The following MYH11 variants were observed in gnomAD, a reference collection of about 807,000 sequenced individuals.
MYH11 encodes the protein myosin heavy chain 11.
MYH11 carries 80 observed loss-of-function variants against 246.6 expected under a neutral mutation model. The ratio of observed to expected loss-of-function variants is 0.32; its 90% CI spans 0.27 to 0.39. The LOEUF (loss-of-function observed/expected upper bound fraction) is 0.39, where lower values mean the gene tolerates loss of function less well. MYH11 is among the 10% of genes least tolerant of loss of function. MYH11 has a pLI of 1.00. For missense variants in MYH11, 2,158 were observed against 2,546.8 expected, an observed-to-expected ratio of 0.85 and a Z score of 3.29; for synonymous variants, 1,071 against 1,015.5, an observed-to-expected ratio of 1.05 and a Z score of -1.04.
chr16:15,779,082 C>T (rs968842310), intron 6 of MYH11: 3 of 621,586 alleles, frequency 4.8e-6, no homozygotes, highest in East Asian at 2.8e-5. Flanking sequence ...CAATTTCATT[C>T]GGCTTTTGCA....
In MYH11 at chr16:15,715,004, G is replaced by T; in HGVS notation, c.5691C>A (p.Asn1897Lys). The T allele has an allele frequency of 6.2e-7, 1 of 1,613,964 alleles. No individual in the cohort carries two copies. Among genetic ancestry groups the T allele is most frequent in the Non-Finnish European group, 8.5e-7 (1 of 1,180,020 alleles). The change falls in exon 40 of 41, where the codon AAC (asparagine) becomes AAA (lysine). Residue 1897 changes from asparagine to lysine, a missense_variant. Asn to Lys is a moderately conservative substitution (Grantham distance 94). This residue lies in a region of MYH11 where 1,013 missense variants were observed against 993.5 expected (regional missense o/e 1.02). Coordinates refer to ENST00000300036, the MANE Select transcript of MYH11 (RefSeq NM_002474.3). ...CCCGCTGCAGCTTCCTGCGGTTGGC[G>T]TTGATGCGCTGGGACTCCTCCTCTG... ...EEAEEESQRI[N>K]ANRRKLQREL... is the part of the protein sequence containing the mutation.
chr16:15,786,899 C>T (rs1054290000), intron 4 of MYH11, among the ~76,000 whole-genome samples, 167 bp from the exon 5 acceptor site: 1 of 152,158 alleles, frequency 6.6e-6, no homozygotes, highest in Non-Finnish European at 1.5e-5. Context: ...TGGTAGTGAG[C>T]GGAACTGGGT....
intron 12 of MYH11, among the ~76,000 whole-genome samples, chr16:15,758,684 C>A (rs950068337): frequency 3.4e-4 from 52 of 151,754 alleles, no homozygotes; most frequent in Admixed American, 2.0e-4. Context: ...GCACTAATCC[C>A]AGCTACTCGA....
At chr16:15,719,393 G>GA in intron 35 of MYH11, 85 bp from the exon 36 acceptor site, 1 of 1,506,946 alleles carries the variant, frequency 6.6e-7, no homozygotes. Context: ...AGCCACCCTT[G>GA]AAAGTACATG....
At chr16:15,802,226 C>A (rs919181655) in intron 3 of MYH11, among the ~76,000 whole-genome samples, 1 of 152,226 alleles carries the variant, frequency 6.6e-6, no homozygotes. Flanking sequence ...CAGCTCCGAT[C>A]TCCCGAGCAC....
At chr16:15,733,610 T>G (rs2041030969) in intron 26 of MYH11, among the ~76,000 whole-genome samples, 1 of 151,790 alleles carries the variant, frequency 6.6e-6, no homozygotes, top group South Asian at 2.1e-4. Context: ...TGGAATGATG[T>G]CAGCTCACTG....
At chr16:15,759,853 T>G in intron 11 of MYH11, 125 bp from the exon 12 acceptor site, 1 of 1,271,124 alleles carries the variant, frequency 7.9e-7, no homozygotes. Flanking sequence ...TCCCAGCACT[T>G]TGGGAGGCCG....
chr16:15,821,100 G>A (rs545181073), intron 3 of MYH11, among the ~76,000 whole-genome samples: 2 of 152,310 alleles, frequency 1.3e-5, no homozygotes, highest in South Asian at 2.1e-4. Context: ...TCGAACTCAT[G>A]ACCTCGAGCA....
At position 15,768,586 on chromosome 16, in the gene MYH11, C is replaced by T. The variant is rs998037325; in HGVS notation, c.1033+2983G>A. Among the ~76,000 whole-genome samples, 3 of 152,314 alleles carry T rather than the reference C, an allele frequency of 2.0e-5. No individual in the cohort carries two copies. In the South Asian group the frequency reaches 6.2e-4, roughly 32 times the overall value. ...TTGCACGCCATCGTCTGAATGCTTG[C>T]TCTGTGTACCATCTGCTCCATTATT... On this transcript the variant is annotated intron_variant, in intron 9 of 40. Transcript: ENST00000300036.
At chr16:15,826,870 G>A (rs2043582218) in intron 2 of MYH11, among the ~76,000 whole-genome samples, 1 of 151,868 alleles carries the variant, frequency 6.6e-6, no homozygotes, top group South Asian at 2.1e-4. Context: ...GCACATGCCT[G>A]TAGTCCCAGC....
At chr16:15,768,076 C>T (rs368426592) in intron 9 of MYH11, among the ~76,000 whole-genome samples, 2 of 152,110 alleles carry the variant, frequency 1.3e-5, no homozygotes, top group East Asian at 3.9e-4. Flanking sequence ...TTATGCCCGG[C>T]TCCTGCCGAC....
chr16:15,743,493 T>C (rs1361358421), intron 20 of MYH11, among the ~76,000 whole-genome samples: 2 of 152,188 alleles, frequency 1.3e-5, no homozygotes, highest in Non-Finnish European at 2.9e-5. Flanking sequence ...AGGATAGTTT[T>C]TCAGAAGTTG....
Position 15,703,392 on chromosome 16 carries a change from A to G in MYH11, c.*599T>C, listed in dbSNP as rs1240364981. The G allele has an allele frequency of 4.2e-6, 1 of 238,334 alleles. No homozygotes were observed. The highest frequency in any genetic ancestry group is 8.3e-6 in the Non-Finnish European group (1 of 120,468). The allele number at this position is 238,334 out of a possible 1,614,324, so 14.8% of individuals were successfully genotyped here. ...TTGGGAGTGGGGGCCGGCGGCACCCATTTCGGTGACTTTCTCCCCATTTCA... is the reference window on the plus strand; with the variant it reads ...TTGGGAGTGGGGGCCGGCGGCACCCGTTTCGGTGACTTTCTCCCCATTTCA... On this transcript the variant is annotated 3_prime_UTR_variant, in exon 41 of 41. Transcript: ENST00000300036.
At chr16:15,757,677 G>C (rs2041764065) in intron 13 of MYH11, 150 bp downstream of exon 13, 3 of 957,726 alleles carry the variant, frequency 3.1e-6, no homozygotes, top group Admixed American at 4.2e-5. Context: ...AGTTCACAAG[G>C]ATTCAGCTTA....
chr16:15,784,854 C>T, intron 5 of MYH11: 1 of 875,534 alleles, frequency 1.1e-6, no homozygotes, highest in Non-Finnish European at 1.8e-6. Flanking sequence ...AGCTCCTTTT[C>T]CTTGATACTG....
Position 15,748,163 on chromosome 16 carries a change from G to A in MYH11, c.2064C>T (p.Gly688=). The change falls in exon 17 of 41, where the codon GGC becomes GGT. Residue 688 remains glycine (G), a synonymous_variant. Coordinates refer to ENST00000300036, the MANE Select transcript of MYH11 (RefSeq NM_002474.3). ...CIIPNHEKRS[G]KLDAFLVLEQ... The stretch of plus-strand genomic sequence containing the variant: ...CCAGCACCAGGAACGCATCCAGCTT[G>A]CCGGACTGCAAAGGTCAAAGAGGGC... 1 of 1,613,736 alleles carries A rather than the reference G, an allele frequency of 6.2e-7. No individual in the cohort carries two copies. The highest frequency in any genetic ancestry group is 1.1e-5 in the South Asian group (1 of 91,088).
At chr16:15,848,012 A>C (rs983230729) in intron 1 of MYH11, among the ~76,000 whole-genome samples, 1 of 152,090 alleles carries the variant, frequency 6.6e-6, no homozygotes, top group African/African-American at 2.4e-5. Context: ...CCTCATTGAG[A>C]CACAAAACAC....
chr16:15,754,853 A>AT (rs1394667577), intron 14 of MYH11, among the ~76,000 whole-genome samples: 9 of 152,018 alleles, frequency 5.9e-5, no homozygotes, highest in Admixed American at 2.6e-4. Context: ...AATTTTTTTT[A>AT]TTTTTTATTT....
chr16:15,732,245 G>A (rs2040986583), intron 27 of MYH11, among the ~76,000 whole-genome samples: 1 of 152,040 alleles, frequency 6.6e-6, no homozygotes, highest in Admixed American at 6.6e-5. Flanking sequence ...TTACAGGCTT[G>A]AGCCACCACG....
Sources: allele counts gnomAD v4.1 joint callset (sites outside exome capture counted in the v4.1 genomes callset), GRCh38; gene constraint gnomAD v4.1.1; regional missense constraint gnomAD v4.1.1; transcripts MANE v1.5; gene names NCBI Gene and HGNC (gene_info 2026-07-23, HGNC 2026-07-21).